SGCZ: variants seen among roughly 807,000 people sequenced by gnomAD.
SGCZ encodes the protein zeta-sarcoglycan.
In SGCZ, 40 loss-of-function variants were observed where a neutral mutation model predicts 41.3. That is an observed-to-expected ratio of 0.97 (90% CI 0.75 to 1.26). The LOEUF (loss-of-function observed/expected upper bound fraction) is 1.26. SGCZ is among the 50% of genes most tolerant of loss of function. SGCZ has a pLI of 0.00. For synonymous variants in SGCZ, 206 were observed against 137.5 expected (o/e 1.50, Z -3.49); for missense variants, 552 against 369.8 (o/e 1.49, Z -4.04).
chr8:14,185,405 A>C (rs1804871030), intron 4 of SGCZ, among the ~76,000 whole-genome samples: 1 of 152,054 alleles, frequency 6.6e-6, no homozygotes, highest in Non-Finnish European at 1.5e-5. Flanking sequence ...TGTCTCTCAA[A>C]ATAAATAAAT....
chr8:14,830,105 C>T (rs535716357), intron 1 of SGCZ, among the ~76,000 whole-genome samples: 1 of 152,124 alleles, frequency 6.6e-6, no homozygotes, highest in African/African-American at 2.4e-5. Context: ...CCACCGCACC[C>T]GGCCTTATGT....
chr8:14,978,853 C>G (rs1801573519), intron 1 of SGCZ, among the ~76,000 whole-genome samples: 1 of 152,138 alleles, frequency 6.6e-6, no homozygotes, highest in African/African-American at 2.4e-5. Context: ...GGCTGGAGTG[C>G]AGTGGCACGA....
Position 14,717,309 on chromosome 8 carries a change from A to G in SGCZ, c.40-162383T>C, listed in dbSNP as rs1809723762. The stretch of plus-strand genomic sequence containing the variant: ...AATACATGCTTTCTTTCCTGTGTTA[A>G]GGTACAATACCAGGAAGCCATAAGT... On this transcript the variant is annotated intron_variant, in intron 1 of 7. Transcript: ENST00000382080. Among the ~76,000 whole-genome samples the G allele has an allele frequency of 2.0e-5, 3 of 152,266 alleles. No individual in the cohort carries two copies. The South Asian group carries it at 6.2e-4, about 32-fold the overall frequency.
chr8:14,693,426 G>A (rs1035204981), intron 1 of SGCZ, among the ~76,000 whole-genome samples: 4 of 151,668 alleles, frequency 2.6e-5, no homozygotes, highest in African/African-American at 9.7e-5. Flanking sequence ...TGAGTAGCTG[G>A]AATTACAGGC....
intron 2 of SGCZ, among the ~76,000 whole-genome samples, chr8:14,516,113 T>A (rs902574570): frequency 2.4e-5 from 3 of 127,192 alleles, no homozygotes; most frequent in East Asian, 5.3e-4. Flanking sequence ...AAACTTCTCT[T>A]TTTTTTTCTA....
intron 1 of SGCZ, among the ~76,000 whole-genome samples, chr8:14,569,732 G>A (rs942499830): frequency 6.6e-6 from 1 of 152,140 alleles, no homozygotes; most frequent in African/African-American, 2.4e-5. Context: ...GCAGCCTGTC[G>A]AGGCCTCTTT....
chr8:14,181,779 A>C (rs1454577568), intron 4 of SGCZ, among the ~76,000 whole-genome samples: 1 of 152,164 alleles, frequency 6.6e-6, no homozygotes, highest in Non-Finnish European at 1.5e-5. Flanking sequence ...AGCCATGTGG[A>C]ACTGTGAGTC....
intron 4 of SGCZ, among the ~76,000 whole-genome samples, chr8:14,206,905 C>A (rs760318399): frequency 6.6e-6 from 1 of 152,126 alleles, no homozygotes; most frequent in African/African-American, 2.4e-5. Context: ...TGGGAATAGA[C>A]CTGGTGGCCT....
At chr8:14,461,402 C>T (rs1800897824) in intron 2 of SGCZ, among the ~76,000 whole-genome samples, 1 of 152,126 alleles carries the variant, frequency 6.6e-6, no homozygotes, top group Admixed American at 6.6e-5. Context: ...CCTCCTTACA[C>T]ATGTGTAATT....
chr8:14,247,999 A>G (rs1799165751), intron 3 of SGCZ, among the ~76,000 whole-genome samples: 1 of 152,258 alleles, frequency 6.6e-6, no homozygotes, highest in Admixed American at 6.5e-5. Context: ...AAGGTAAAGC[A>G]GTAATTTTCC....
intron 1 of SGCZ, among the ~76,000 whole-genome samples, chr8:15,067,431 C>T (rs1805194608): frequency 6.6e-6 from 1 of 152,156 alleles, no homozygotes; most frequent in South Asian, 2.1e-4. Context: ...CCCTACTGTA[C>T]TGATAAACCT....
intron 2 of SGCZ, among the ~76,000 whole-genome samples, chr8:14,462,046 TC>T (rs1346239461): frequency 1.3e-5 from 2 of 152,066 alleles, no homozygotes; most frequent in African/African-American, 4.8e-5. Context: ...CAGATTTACT[TC>T]CAGGCAGCCA....
Position 14,614,413 on chromosome 8 carries a change from G to T in SGCZ, c.40-59487C>A, listed in dbSNP as rs202155914. On this transcript the variant is annotated intron_variant, in intron 1 of 7. Transcript: ENST00000382080. ...AAAAAAATGTAAACTAAAATTTCTA[G>T]CATGAACAAAGTTCTGTATATGCAT... Among the ~76,000 whole-genome samples the T allele has an allele frequency of 2.6e-5, 4 of 152,052 alleles. No individual in the cohort carries two copies. In the East Asian group the frequency reaches 7.7e-4, roughly 29 times the overall value.
chr8:15,069,618 A>G (rs982482427), intron 1 of SGCZ, among the ~76,000 whole-genome samples: 3 of 152,218 alleles, frequency 2.0e-5, no homozygotes, highest in Non-Finnish European at 4.4e-5. Flanking sequence ...AGTTCTGATC[A>G]TGGTAGCCTA....
At position 14,459,673 on chromosome 8, in the gene SGCZ, G is replaced by A. The variant is rs73519348; in HGVS notation, c.234+95059C>T. On this transcript the variant is annotated intron_variant, in intron 2 of 7. Coordinates refer to ENST00000382080, the MANE Select transcript of SGCZ (RefSeq NM_139167.4). ...GAAATGTAGCCAACAAAACTGTAAG[G>A]AAGTAATGATGCTTAACAACACTAG... 9.9e-3 allele frequency among the ~76,000 whole-genome samples: 1,509 copies of A among 152,106 alleles called. 21 individuals are homozygous for A. The highest frequency in any genetic ancestry group is 0.034 in the African/African-American group (1,403 of 41,496).
chr8:14,286,691 C>G (rs1003088017), intron 3 of SGCZ, among the ~76,000 whole-genome samples: 3 of 152,056 alleles, frequency 2.0e-5, no homozygotes, highest in African/African-American at 7.2e-5. Flanking sequence ...ATGTTATTTT[C>G]AAAGTTTGAC....
chr8:14,254,013 T>C (rs1479847136), intron 3 of SGCZ, among the ~76,000 whole-genome samples: 2 of 152,214 alleles, frequency 1.3e-5, no homozygotes, highest in Non-Finnish European at 2.9e-5. Context: ...TTTATGCTTG[T>C]ATTAAAACAG....
intron 1 of SGCZ, among the ~76,000 whole-genome samples, chr8:14,618,423 C>T (rs1427335351): frequency 6.6e-6 from 1 of 151,974 alleles, no homozygotes; most frequent in African/African-American, 2.4e-5. Context: ...TTCCAGTAGC[C>T]AGAAAGTCCA....
intron 1 of SGCZ, among the ~76,000 whole-genome samples, chr8:14,830,005 G>T (rs1802472334): frequency 6.6e-6 from 1 of 152,010 alleles, no homozygotes. Flanking sequence ...TAGAGACGGG[G>T]TTTTCACCGT....
Sources: gnomAD v4.1 joint callset for allele counts (sites outside exome capture counted in the v4.1 genomes callset) on GRCh38, gnomAD v4.1.1 for gene constraint, MANE v1.5 for transcripts, NCBI Gene and HGNC (gene_info 2026-07-23, HGNC 2026-07-21) for gene names.